Variants in EHD1 observed in about 807,000 individuals in gnomAD.
The protein encoded by EHD1 is EH domain containing 1, also known as EH domain-containing protein 1.
A neutral mutation model predicts 39.0 loss-of-function variants in EHD1; 19 were observed. That is an observed-to-expected ratio of 0.49 (90% confidence interval 0.34 to 0.72). The LOEUF (loss-of-function observed/expected upper bound fraction) is 0.72. Among genes scored for constraint, EHD1 ranks in the 30% least tolerant of loss-of-function variants. EHD1 has a pLI of 0.01. For synonymous variants in EHD1, 323 were observed against 331.2 expected (o/e 0.98, Z 0.27); for missense variants, 542 against 751.5 (o/e 0.72, Z 3.26).
chr11:64,878,773 C>A (rs963658616), upstream of EHD1: 3 of 1,266,238 alleles, frequency 2.4e-6, no homozygotes, highest in Non-Finnish European at 3.0e-6. Flanking sequence ...TCCCCTACCC[C>A]GCCCCCATTG....
At chr11:64,877,684 A>G (rs1194640821) in intron 1 of EHD1, 2 of 218,022 alleles carry the variant, frequency 9.2e-6, no homozygotes, top group Non-Finnish European at 1.8e-5. Context: ...GGGAGGGTTG[A>G]TTTCCGTGAA....
intron 3 of EHD1, chr11:64,855,727 C>T (rs1943644269): frequency 1.8e-6 from 1 of 551,342 alleles, no homozygotes; most frequent in Non-Finnish European, 3.2e-6. Flanking sequence ...GGAAAACGCA[C>T]TTGAAACAGA....
At chr11:64,856,696 C>G (rs1314024992) in intron 3 of EHD1, 1 of 152,388 alleles carries the variant, frequency 6.6e-6, no homozygotes, top group Non-Finnish European at 1.5e-5. Context: ...AGCCCCGTGC[C>G]ATGTGGGTCT....
chr11:64,865,542 G>A (rs1320537430), intron 2 of EHD1, among the ~76,000 whole-genome samples: 1 of 152,214 alleles, frequency 6.6e-6, no homozygotes, highest in Admixed American at 6.5e-5. Context: ...CAGAAAACAT[G>A]GCCCAAGCGG....
chr11:64,861,149 G>A (rs2136482864), intron 2 of EHD1, among the ~76,000 whole-genome samples: 1 of 151,210 alleles, frequency 6.6e-6, no homozygotes, highest in East Asian at 1.9e-4. Flanking sequence ...TTGTGCCACT[G>A]CAGTCCAGCC....
chr11:64,868,108 C>T lies in EHD1; in HGVS notation c.502+6313G>A, dbSNP rs908131100. On this transcript the variant is annotated intron_variant, in intron 2 of 4. Transcript: ENST00000320631. This position sits in a 1 kb window ranked among gnomAD's most constrained non-coding sequence, Gnocchi z 4.2. ...TCCAAAACACAGGTAGTTCCAGCCG[C>T]AGGGGGAAAAGCTGCTTTATACATT... Among the ~76,000 whole-genome samples, 2 of 152,234 alleles carry T rather than the reference C, an allele frequency of 1.3e-5. No homozygotes were observed. The highest frequency in any genetic ancestry group is 2.4e-5 in the African/African-American group (1 of 41,444).
In EHD1 at chr11:64,860,178, C is replaced by T. The variant is rs1565718120; in HGVS notation, c.661G>A (p.Ala221Thr). 1.2e-6 allele frequency: 2 copies of T among 1,614,180 alleles called. No individual in the cohort carries two copies. Among genetic ancestry groups the T allele is most frequent in the East Asian group, 2.2e-5 (1 of 44,884 alleles). Reference protein sequence around the residue: ...EDKIRVVLNKADQIETQQLMR... With the variant: ...EDKIRVVLNKTDQIETQQLMR... ...AGCTGCTGCGTCTCGATCTGGTCTG[C>T]CTTGTTCAGCACCACGCGGATCTTG... The change falls in exon 3 of 5, where the codon GCA becomes ACA. Residue 221 changes from alanine to threonine, a missense_variant. Ala to Thr is a moderately conservative substitution (Grantham distance 58). Coordinates refer to ENST00000320631, the MANE Select transcript of EHD1 (RefSeq NM_006795.4).
chr11:64,867,454 T>C (rs1200912917), intron 2 of EHD1, among the ~76,000 whole-genome samples: 1 of 147,728 alleles, frequency 6.8e-6, no homozygotes, highest in East Asian at 2.0e-4. Flanking sequence ...CGCGGCGGCT[T>C]ATGCCAGCAA....
upstream of EHD1, chr11:64,878,675 T>C (rs1943918820): frequency 4.5e-6 from 6 of 1,347,972 alleles, no homozygotes; most frequent in Admixed American, 3.7e-5. Flanking sequence ...CAGTGGCGGC[T>C]AGCGCCGCCG....
At position 64,854,633 on chromosome 11, in the gene EHD1, G is replaced by T. The variant is rs747015075; in HGVS notation, c.1305C>A (p.Asp435Glu). ...CCTTGCCCACCACCCACTCCACGTC[G>T]TCGATGCCCTCGCCGGCCCCCTCGC... is the stretch of plus-strand genomic sequence containing the variant. ...GYGEGAGEGI[D>E]DVEWVVGKDK... Residue 435 changes from aspartate (D) to glutamate (E), a missense_variant, in exon 5 of 5, where the codon GAC (aspartate) becomes GAA (glutamate). Transcript: ENST00000320631. 1.9e-6 allele frequency: 3 copies of T among 1,613,924 alleles called. No homozygotes were observed. The South Asian group carries it at 3.3e-5, about 18-fold the overall frequency.
At position 64,853,384 on chromosome 11, in the gene EHD1, G is replaced by T. The variant is rs1347465967; in HGVS notation, c.*949C>A. On this transcript the variant is annotated 3_prime_UTR_variant, in exon 5 of 5. Transcript: ENST00000320631. ...CCACCACCACCTCCCACTGTGGAGG[G>T]TGCGTCCCAAAGCTCCAGTTAAGTG... 6.6e-6 allele frequency: 1 copy of T among 152,332 alleles called. No homozygotes were observed. Among genetic ancestry groups the T allele is most frequent in the Non-Finnish European group, 1.5e-5 (1 of 68,094 alleles). 9.4% of individuals were successfully genotyped at this position (152,332 alleles called of 1,614,324 possible). A position where few individuals can be genotyped will look rare whatever the true frequency, so the allele number is the denominator to read the frequency against.
intron 4 of EHD1, 188 bp downstream of exon 4, chr11:64,855,134 C>T: frequency 2.9e-6 from 3 of 1,017,740 alleles, no homozygotes; most frequent in Non-Finnish European, 4.2e-6. Context: ...TGAGTCACCA[C>T]ATTCCCCTCT....
In EHD1 at chr11:64,860,602, G is replaced by A. The variant is rs201875540; in HGVS notation, c.503-266C>T. 1.2e-4 allele frequency among the ~76,000 whole-genome samples: 18 copies of A among 151,752 alleles called. No individual in the cohort carries two copies. The East Asian group carries it at 2.9e-3, about 25-fold the overall frequency. ...ACACAAATTAGCCGGGCAGGGTGGC[G>A]CGAGCACTCAGGAGGCTGAAGCAGG... On this transcript the variant is annotated intron_variant, in intron 2 of 4. Transcript: ENST00000320631.
chr11:64,855,544 G>A, intron 3 of EHD1, 58 bp from the exon 4 acceptor site: 2 of 1,604,960 alleles, frequency 1.2e-6, no homozygotes, highest in Non-Finnish European at 1.7e-6. Context: ...CCCGAGAGCA[G>A]AGCCTCCAAG....
intron 1 of EHD1, among the ~76,000 whole-genome samples, chr11:64,875,870 G>A (rs1943880776): frequency 6.6e-6 from 1 of 152,216 alleles, no homozygotes; most frequent in Non-Finnish European, 1.5e-5. Flanking sequence ...GCTGGGGACA[G>A]GAGGCGCTGG....
chr11:64,859,681 A>T (rs1943691337), intron 3 of EHD1: 2 of 538,468 alleles, frequency 3.7e-6, no homozygotes, highest in Non-Finnish European at 6.5e-6. Flanking sequence ...CTGAAAGTAG[A>T]TGGGGTATAA....
chr11:64,857,555 T>C (rs928402710), intron 3 of EHD1, among the ~76,000 whole-genome samples: 2 of 152,152 alleles, frequency 1.3e-5, no homozygotes, highest in African/African-American at 4.8e-5. Flanking sequence ...TGAGAATTCC[T>C]CATCTACAGG....
intron 2 of EHD1, among the ~76,000 whole-genome samples, chr11:64,872,773 G>A (rs1161383266): frequency 6.6e-6 from 1 of 152,226 alleles, no homozygotes; most frequent in Non-Finnish European, 1.5e-5. Flanking sequence ...AGGCTGGAAG[G>A]AAAGAGAAGC....
chr11:64,858,284 T>C lies in EHD1; in HGVS notation c.915+1640A>G, dbSNP rs555688533. 3.3e-5 allele frequency among the ~76,000 whole-genome samples: 5 copies of C among 151,846 alleles called. No individual in the cohort carries two copies. In the East Asian group the frequency reaches 9.7e-4, roughly 29 times the overall value. On this transcript the variant is annotated intron_variant, in intron 3 of 4. Coordinates refer to ENST00000320631, the MANE Select transcript of EHD1 (RefSeq NM_006795.4). Reference sequence around the variant, plus strand: ...GCAACCTCTCCCTCCTGGGTTCAAGTGATTCTCCTGTCTCAGCCTCCCAAG... The same window carrying C: ...GCAACCTCTCCCTCCTGGGTTCAAGCGATTCTCCTGTCTCAGCCTCCCAAG...
Sources: allele counts gnomAD v4.1 joint callset (sites outside exome capture counted in the v4.1 genomes callset), GRCh38; gene constraint gnomAD v4.1.1; non-coding constraint Gnocchi (gnomAD v3.1); transcripts MANE v1.5; gene names NCBI Gene and HGNC (gene_info 2026-07-23, HGNC 2026-07-21).